ARNT2: variants seen among roughly 807,000 people sequenced by gnomAD.
The protein encoded by ARNT2 is ARNT protein 2.
A neutral mutation model predicts 91.7 loss-of-function variants in ARNT2; 36 were observed. The ratio of observed to expected loss-of-function variants is 0.39; its 90% CI spans 0.30 to 0.52. The LOEUF is 0.52. ARNT2 is among the 20% of genes least tolerant of loss of function. The probability of loss-of-function intolerance (pLI) is 0.72; values close to 1 mark genes in which losing one functional copy is unlikely to be tolerated. For synonymous variants in ARNT2, 365 were observed against 347.1 expected (o/e 1.05, Z -0.57); for missense variants, 775 against 939.3 (o/e 0.83, Z 2.29).
intron 5 of ARNT2, among the ~76,000 whole-genome samples, chr15:80,507,845 G>C (rs762228093): frequency 3.9e-5 from 6 of 152,216 alleles, no homozygotes; most frequent in Non-Finnish European, 8.8e-5. Context: ...TGGTGACCTT[G>C]GTAAATGCCT....
chr15:80,467,390 C>T (rs1344900214), intron 3 of ARNT2, among the ~76,000 whole-genome samples: 2 of 152,142 alleles, frequency 1.3e-5, no homozygotes, highest in Non-Finnish European at 2.9e-5. Flanking sequence ...TGGCTATTGC[C>T]TGGTGATACT....
At position 80,580,524 on chromosome 15, in the gene ARNT2, G is replaced by A. The variant is rs750862787; in HGVS notation, c.1727G>A (p.Gly576Glu). 1 of 1,614,076 alleles carries A rather than the reference G, an allele frequency of 6.2e-7. No individual in the cohort carries two copies. Among genetic ancestry groups the A allele is most frequent in the Non-Finnish European group, 8.5e-7 (1 of 1,180,004 alleles). ...QLNQSQVAWTGSRPPFPGQQI... is the reference protein window; with the variant it reads ...QLNQSQVAWTESRPPFPGQQI... Reference sequence around the variant, plus strand: ...AACCAGAGTCAGGTGGCATGGACAGGGAGTCGTCCGCCCTTTCCGGGACAG... The same window carrying A: ...AACCAGAGTCAGGTGGCATGGACAGAGAGTCGTCCGCCCTTTCCGGGACAG... The change falls in exon 16 of 19, where the codon GGG becomes GAG. Residue 576 changes from glycine (G) to glutamate (E), a missense_variant. Physicochemically the swap from Gly to Glu is moderately conservative, Grantham distance 98 (BLOSUM62 -2). Transcript: ENST00000303329.
intron 8 of ARNT2, among the ~76,000 whole-genome samples, chr15:80,520,367 C>CTAATATAAAGA (rs1343577997): frequency 3.3e-5 from 5 of 152,028 alleles, no homozygotes; most frequent in African/African-American, 1.2e-4. Context: ...TTTTATTTCT[C>CTAATATAAAGA]TAATATAAAG....
At chr15:80,587,870 C>A (rs1351544345) in intron 17 of ARNT2, among the ~76,000 whole-genome samples, 1 of 152,166 alleles carries the variant, frequency 6.6e-6, no homozygotes, top group Non-Finnish European at 1.5e-5. Context: ...GCAAGAGGGG[C>A]TGGAATTAGA....
At chr15:80,472,873 T>G (rs897224039) in intron 4 of ARNT2, among the ~76,000 whole-genome samples, 1 of 152,214 alleles carries the variant, frequency 6.6e-6, no homozygotes. Context: ...CTATATTTTT[T>G]TAATCCTCAC....
rs143668883 is a variant in ARNT2, at chr15:80,565,801, G to A, written c.1316+2562G>A. Among the ~76,000 whole-genome samples the A allele has an allele frequency of 3.2e-4, 49 of 151,990 alleles. No homozygotes were observed. In the East Asian group the frequency reaches 8.9e-3, roughly 28 times the overall value. Reference sequence around the variant, plus strand: ...TCATGTCTTTGTCAAATGCATAGTTGGCAAATATTCTCTCCTATTCTGTAG... The same window carrying A: ...TCATGTCTTTGTCAAATGCATAGTTAGCAAATATTCTCTCCTATTCTGTAG... On this transcript the variant is annotated intron_variant, in intron 12 of 18. Coordinates refer to ENST00000303329, the MANE Select transcript of ARNT2 (RefSeq NM_014862.4).
At chr15:80,508,303 C>T (rs377305005) in intron 6 of ARNT2, 45 bp downstream of exon 6, 16 of 1,591,628 alleles carry the variant, frequency 1.0e-5, no homozygotes, top group Middle Eastern at 1.7e-4. Context: ...TTGGTTTGCT[C>T]CTTTTTCTGT....
chr15:80,504,551 T>TCAGCCCAGGAGTTCAAGACCTGACTGGG (rs1186151640), intron 5 of ARNT2, among the ~76,000 whole-genome samples: 1 of 152,054 alleles, frequency 6.6e-6, no homozygotes, highest in East Asian at 1.9e-4. Flanking sequence ...GAAGAATGCT[T>TCAGCCCAGGAGTTCAAGACCTGACTGGG]CAGCCCAGGA....
At chr15:80,546,079 T>C (rs534935151) in intron 8 of ARNT2, among the ~76,000 whole-genome samples, 1 of 152,208 alleles carries the variant, frequency 6.6e-6, no homozygotes, top group Non-Finnish European at 1.5e-5. Context: ...GAGATTAGAA[T>C]GTATACCAGT....
chr15:80,457,069 G>A (rs1454704381), intron 2 of ARNT2, among the ~76,000 whole-genome samples: 1 of 152,200 alleles, frequency 6.6e-6, no homozygotes, highest in Non-Finnish European at 1.5e-5. Flanking sequence ...CAAGGACTCT[G>A]GGTACACTTG....
chr15:80,479,756 C>T (rs755235454), intron 5 of ARNT2, among the ~76,000 whole-genome samples: 13 of 152,094 alleles, frequency 8.5e-5, no homozygotes, highest in Non-Finnish European at 2.9e-5. Context: ...CAGTGGTTGC[C>T]GCAAACATCC....
At chr15:80,418,173 G>T (rs1212827295) in intron 1 of ARNT2, among the ~76,000 whole-genome samples, 1 of 152,192 alleles carries the variant, frequency 6.6e-6, no homozygotes, top group African/African-American at 2.4e-5. Context: ...AGATGTGCTT[G>T]TTGAAGAGAG....
chr15:80,430,574 G>A (rs1479536858), intron 1 of ARNT2, among the ~76,000 whole-genome samples: 3 of 152,170 alleles, frequency 2.0e-5, no homozygotes, highest in African/African-American at 4.8e-5. Flanking sequence ...GTCTCAACGG[G>A]AGCTGCAAAT....
At chr15:80,463,957 C>T (rs905565367) in intron 3 of ARNT2, among the ~76,000 whole-genome samples, 5 of 152,146 alleles carry the variant, frequency 3.3e-5, no homozygotes, top group African/African-American at 9.7e-5. Context: ...CTATGCTACC[C>T]GCTTCAGTTT....
In ARNT2 at chr15:80,591,623, G is replaced by T; in HGVS notation, c.1974G>T (p.Ser658=). ...AAGGGCGGCCCTCGGAAGTCTGGTC[G>T]CAGTGGCAAAGCCAGCACCATGGCC... is the stretch of plus-strand genomic sequence containing the variant. The part of the protein sequence containing the change: ...QFQGRPSEVW[S]QWQSQHHGQQ... Residue 658 remains serine (S), a synonymous_variant, in exon 18 of 19, where the codon TCG becomes TCT. Coordinates refer to ENST00000303329, the MANE Select transcript of ARNT2 (RefSeq NM_014862.4). This position sits in a 1 kb window ranked among gnomAD's most constrained non-coding sequence, Gnocchi z 5.1. The T allele has an allele frequency of 1.9e-6, 3 of 1,614,182 alleles. No homozygotes were observed. Among genetic ancestry groups the T allele is most frequent in the Non-Finnish European group, 2.5e-6 (3 of 1,180,020 alleles).
intron 11 of ARNT2, chr15:80,555,479 A>G (rs1486989623): frequency 4.1e-6 from 1 of 241,696 alleles, no homozygotes; most frequent in Non-Finnish European, 8.2e-6. Context: ...CATAGAATAA[A>G]TGAGTGAACA....
chr15:80,498,635 G>T (rs1897151475), intron 5 of ARNT2, among the ~76,000 whole-genome samples: 1 of 152,200 alleles, frequency 6.6e-6, no homozygotes, highest in Admixed American at 6.5e-5. Flanking sequence ...AGTCTCCCAG[G>T]AATGGCTGAG....
At position 80,468,555 on chromosome 15, in the gene ARNT2, A is replaced by C. The variant is rs558055804; in HGVS notation, c.195-1663A>C. 5.9e-4 allele frequency among the ~76,000 whole-genome samples: 90 copies of C among 151,862 alleles called. 1 individual carries two copies. The highest frequency in any genetic ancestry group is 1.2e-3 in the Non-Finnish European group (82 of 67,936). On this transcript the variant is annotated intron_variant, in intron 3 of 18. Transcript: ENST00000303329. ...CCCCTCCCCAAAATAGACCTCCTCT[A>C]CTTGCTGACAGGTTAGGCCCAGCTC...
chr15:80,427,975 G>A (rs776267949), intron 1 of ARNT2, among the ~76,000 whole-genome samples: 7 of 152,178 alleles, frequency 4.6e-5, no homozygotes, highest in Admixed American at 6.5e-5. Flanking sequence ...CTTCTCCAGC[G>A]TTCACTGTCA....
Sources: allele counts gnomAD v4.1 joint callset (sites outside exome capture counted in the v4.1 genomes callset), GRCh38; gene constraint gnomAD v4.1.1; non-coding constraint Gnocchi (gnomAD v3.1); transcripts MANE v1.5; gene names NCBI Gene and HGNC (gene_info 2026-07-23, HGNC 2026-07-21).